The following PAQR6 variants were observed in gnomAD, a reference collection of about 807,000 sequenced individuals.
The protein encoded by PAQR6 is progestin and adipoQ receptor family member 6.
PAQR6 carries 34 observed loss-of-function variants against 36.2 expected under a neutral mutation model. The observed-to-expected ratio is 0.94, with a 90% confidence interval of 0.71 to 1.25. The LOEUF is 1.25. Among genes scored for constraint, PAQR6 ranks in the 50% most tolerant of loss-of-function variants. The pLI is 0.00. For missense variants in PAQR6, 431 were observed against 445.7 expected (o/e 0.97, Z 0.30); for synonymous variants, 190 against 190.7 (o/e 1.00, Z 0.03).
In PAQR6 at chr1:156,245,215, C is replaced by T. The variant is rs1189289665; in HGVS notation, c.536G>A (p.Gly179Glu). ...YSRFLELESP[G>E]LSKVLRTGAF... ...TCCTGTGCGGAGGACCTTACTGAGC[C>T]CAGGGCTTTCCAGCTCCAGGAAACT... The change falls in exon 6 of 8, where the codon GGG (glycine) becomes GAG (glutamate). Residue 179 changes from glycine to glutamate, a missense_variant. Physicochemically the swap from Gly to Glu is moderately conservative, Grantham distance 98. Coordinates refer to ENST00000292291, the MANE Select transcript of PAQR6 (RefSeq NM_198406.3). 4.3e-6 allele frequency: 7 copies of T among 1,614,084 alleles called. No homozygotes were observed. The highest frequency in any genetic ancestry group is 5.1e-6 in the Non-Finnish European group (6 of 1,180,014).
chr1:156,247,361 G>T (rs896012526), intron 1 of PAQR6: 25 of 152,460 alleles, frequency 1.6e-4, no homozygotes, highest in African/African-American at 5.8e-4. Context: ...ACTGCCTCCG[G>T]GTGGCCGCAG....
rs374272830 is a variant in PAQR6 at position 156,246,161 on chromosome 1, G to T, written c.141C>A (p.Asn47Lys). 3 of 1,613,266 alleles carry T rather than the reference G, an allele frequency of 1.9e-6. No homozygotes were observed. In the African/African-American group the frequency reaches 4.0e-5, roughly 22 times the overall value. Residue 47 changes from asparagine (N) to lysine (K), a missense_variant, in exon 3 of 8, where the codon AAC (asparagine) becomes AAA (lysine). Coordinates refer to ENST00000292291, the MANE Select transcript of PAQR6 (RefSeq NM_198406.3). ...DCVLSSFQMT[N>K]ETVNIWTHFL... ...AGTGAGTCCAGATGTTGACCGTCTC[G>T]TTGGTCATCTGGAAGGAGCTGAGGA...
At position 156,245,773 on chromosome 1, in the gene PAQR6, C is replaced by T; in HGVS notation, c.385+9G>A. On this transcript the variant is annotated intron_variant, in intron 4 of 7. Coordinates refer to ENST00000292291, the MANE Select transcript of PAQR6 (RefSeq NM_198406.3). Reference sequence around the variant, plus strand: ...CCAGACCCCGCGCTCCCGCGCCTGTCCGGCTCACCCAGACTGTAGAGGCTG... The same window carrying T: ...CCAGACCCCGCGCTCCCGCGCCTGTTCGGCTCACCCAGACTGTAGAGGCTG... 6.3e-7 allele frequency: 1 copy of T among 1,584,354 alleles called. No individual in the cohort carries two copies. Among genetic ancestry groups the T allele is most frequent in the Non-Finnish European group, 8.6e-7 (1 of 1,164,904 alleles).
intron 6 of PAQR6, 26 bp from the exon 7 acceptor site, chr1:156,244,937 G>T: frequency 6.2e-7 from 1 of 1,607,220 alleles, no homozygotes; most frequent in South Asian, 1.1e-5. Context: ...CAAGGCTGCT[G>T]GGGAGGGACT....
At chr1:156,246,884 T>C in intron 1 of PAQR6, 128 bp from the exon 2 acceptor site, 1 of 744,674 alleles carries the variant, frequency 1.3e-6, no homozygotes. Context: ...CTGGAGCTGC[T>C]TCCTTCAGGC....
chr1:156,245,549 G>C lies in PAQR6; in HGVS notation c.498C>G (p.Leu166=). The part of the protein sequence containing the change: ...AALNSFLCTG[L]SCYSRFLELE... ...TGGGAACCCACCGGGAGTAGCAGGA[G>C]AGGCCGGTGCACAGGAAGGAGTTGA... Residue 166 remains leucine, a synonymous_variant, in exon 5 of 8, where the codon CTC becomes CTG. Coordinates refer to ENST00000292291, the MANE Select transcript of PAQR6 (RefSeq NM_198406.3). 1 of 1,612,270 alleles carries C rather than the reference G, an allele frequency of 6.2e-7. No homozygotes were observed. The highest frequency in any genetic ancestry group is 8.5e-7 in the Non-Finnish European group (1 of 1,179,996).
At chr1:156,245,057 A>T (rs1404828605) in intron 6 of PAQR6, 85 bp downstream of exon 6, 2 of 1,601,376 alleles carry the variant, frequency 1.2e-6, no homozygotes, top group East Asian at 2.2e-5. Context: ...TGAGGCAGGG[A>T]CTGAGGGGGC....
intron 7 of PAQR6, 132 bp downstream of exon 7, chr1:156,244,629 G>A: frequency 6.5e-7 from 1 of 1,530,990 alleles, no homozygotes; most frequent in Non-Finnish European, 8.8e-7. Flanking sequence ...TCTCGTTATA[G>A]GAAGACAGGG....
chr1:156,244,696 C>T, intron 7 of PAQR6, 65 bp downstream of exon 7: 4 of 1,612,470 alleles, frequency 2.5e-6, no homozygotes, highest in Non-Finnish European at 3.4e-6. Context: ...TTACCCAGTT[C>T]ATTCTGTGCT....
intron 2 of PAQR6, 64 bp downstream of exon 2, chr1:156,246,617 C>T (rs1179294027): frequency 1.9e-6 from 3 of 1,553,474 alleles, no homozygotes; most frequent in African/African-American, 2.7e-5. Context: ...AAGAGAAGAA[C>T]GTCAGCCCCT....
Position 156,247,919 on chromosome 1 carries a change from A to G in PAQR6, c.-26+38T>C, listed in dbSNP as rs941521027. On this transcript the variant is annotated intron_variant, in intron 1 of 7. Coordinates refer to ENST00000292291, the MANE Select transcript of PAQR6 (RefSeq NM_198406.3). ...GGCTGGAGCAAGATGCTTTACCTCT[A>G]TTTTCCCAGAAGAGCCCCAGAAGGT... The G allele has an allele frequency of 2.1e-5, 9 of 429,380 alleles. No homozygotes were observed. The East Asian group carries it at 2.3e-4, about 11-fold the overall frequency. 26.6% of individuals were successfully genotyped at this position (429,380 alleles called of 1,614,324 possible).
rs1036177928 is a variant in PAQR6, at chr1:156,245,949, G to C, written c.218C>G (p.Pro73Arg). ...GTGGTACGGCTCCGCACGGAAGCCG[G>C]GGCCGCCCGCCAGCGCCAGGAGCCG... ...LWRLLALAGG[P>R]GFRAEPYHWP... is the part of the protein sequence containing the mutation. The change falls in exon 4 of 8, where the codon CCC becomes CGC. Residue 73 changes from proline (P) to arginine (R), a missense_variant. Coordinates refer to ENST00000292291, the MANE Select transcript of PAQR6 (RefSeq NM_198406.3). The C allele has an allele frequency of 2.6e-6, 4 of 1,534,474 alleles. No homozygotes were observed. In the Admixed American group the frequency reaches 5.9e-5, roughly 23 times the overall value.
intron 6 of PAQR6, 74 bp downstream of exon 6, chr1:156,245,042 TGGGCTGAGGCAGGGACTGAGGGGGCA>T: frequency 6.3e-7 from 1 of 1,599,022 alleles, no homozygotes; most frequent in Non-Finnish European, 8.5e-7. Context: ...GAGAGGCGGC[TGGGCTGAGGCAGGGACTGAGGGGGCA>T]GGGCTGGAAG....
chr1:156,244,443 A>G (rs950437814), intron 7 of PAQR6, 40 bp from the exon 8 acceptor site: 13 of 1,457,658 alleles, frequency 8.9e-6, no homozygotes, highest in African/African-American at 4.3e-5. Context: ...CACCTTTCCC[A>G]GTGCAAGTCA....
chr1:156,245,727 C>A, intron 4 of PAQR6, 55 bp downstream of exon 4: 5 of 1,574,402 alleles, frequency 3.2e-6, no homozygotes, highest in Non-Finnish European at 4.3e-6. Context: ...GCGTCCCACC[C>A]CTCGCCCCGC....
chr1:156,246,742 T>C lies in PAQR6; in HGVS notation c.-11A>G, dbSNP rs1558219818. On this transcript the variant is annotated 5_prime_UTR_variant, in exon 2 of 8. Transcript: ENST00000292291. The stretch of plus-strand genomic sequence containing the variant: ...CTTGAGACTGAGCATGGTGGCCTGG[T>C]ACCTCCACGTTGACCTAGAGACAGA... 1.9e-6 allele frequency: 3 copies of C among 1,613,532 alleles called. No individual in the cohort carries two copies. Among genetic ancestry groups the C allele is most frequent in the Non-Finnish European group, 2.5e-6 (3 of 1,179,794 alleles).
At position 156,245,436 on chromosome 1, in the gene PAQR6, A is replaced by G. The variant is rs994431815; in HGVS notation, c.512+99T>C. The stretch of plus-strand genomic sequence containing the variant: ...GTCTGACAGAGGAAGTCCTCAGTAC[A>G]TGGTCCCGATGCCTCCAGTGCTGTT... On this transcript the variant is annotated intron_variant, in intron 5 of 7. Transcript: ENST00000292291. 5.9e-6 allele frequency: 9 copies of G among 1,536,458 alleles called. No individual in the cohort carries two copies. The African/African-American group carries it at 8.2e-5, about 14-fold the overall frequency.
In PAQR6 at chr1:156,244,742, G is replaced by A. The variant is rs772856935; in HGVS notation, c.760+19C>T. On this transcript the variant is annotated intron_variant, in intron 7 of 7. Coordinates refer to ENST00000292291, the MANE Select transcript of PAQR6 (RefSeq NM_198406.3). ...ATCTGCCCCTGCCTCTTCCCGGGCC[G>A]GGCCAGGCGTGCCCTCACCGATGTA... The A allele has an allele frequency of 1.1e-5, 18 of 1,613,658 alleles. No individual in the cohort carries two copies. Among genetic ancestry groups the A allele is most frequent in the Admixed American group, 3.3e-5 (2 of 60,002 alleles).
intron 7 of PAQR6, 98 bp from the exon 8 acceptor site, chr1:156,244,501 C>A: frequency 7.2e-7 from 1 of 1,383,934 alleles, no homozygotes; most frequent in East Asian, 2.5e-5. Context: ...GAATAAGAAA[C>A]CCTGACTCCC....
Sources: allele counts gnomAD v4.1 joint callset, GRCh38; gene constraint gnomAD v4.1.1; transcripts MANE v1.5; gene names NCBI Gene and HGNC (gene_info 2026-07-23, HGNC 2026-07-21).